The following PIAS1 variants were observed in gnomAD, a reference collection of about 807,000 sequenced individuals.
PIAS1 encodes the protein protein inhibitor of activated STAT 1.
PIAS1 carries 6 observed loss-of-function variants against 71.3 expected under a neutral mutation model. The ratio of observed to expected loss-of-function variants is 0.08; its 90% CI spans 0.05 to 0.17. The LOEUF is 0.17. PIAS1 is among the 10% of genes least tolerant of loss of function. The probability of loss-of-function intolerance (pLI) is 1.00; values close to 1 mark genes in which losing one functional copy is unlikely to be tolerated. For missense variants in PIAS1, 555 were observed against 793.6 expected (o/e 0.70, Z 3.61); for synonymous variants, 303 against 292.9 (o/e 1.03, Z -0.35).
chr15:68,075,260 A>G (rs578235762), intron 1 of PIAS1, among the ~76,000 whole-genome samples: 1 of 151,062 alleles, frequency 6.6e-6, no homozygotes, highest in South Asian at 2.1e-4. Flanking sequence ...TAATTTTTGT[A>G]TTTTTAGTAG....
intron 1 of PIAS1, among the ~76,000 whole-genome samples, chr15:68,078,889 AAC>A (rs1313591566): frequency 2.0e-5 from 3 of 152,316 alleles, no homozygotes; most frequent in African/African-American, 7.2e-5. Context: ...TATGATTGAA[AAC>A]ATTTTTAATA....
At chr15:68,137,025 A>G (rs2092738693) in intron 2 of PIAS1, among the ~76,000 whole-genome samples, 2 of 151,998 alleles carry the variant, frequency 1.3e-5, no homozygotes, top group Non-Finnish European at 2.9e-5. Context: ...ATTAGCAGCA[A>G]CTCCCATGCT....
chr15:68,186,808 G>C lies in PIAS1; in HGVS notation c.1663-734G>C, dbSNP rs774109152. On this transcript the variant is annotated intron_variant, in intron 13 of 13. Coordinates refer to ENST00000249636, the MANE Select transcript of PIAS1 (RefSeq NM_016166.3). This position sits in a 1 kb window ranked among gnomAD's most constrained non-coding sequence, Gnocchi z 4.4. ...ACGGCATTCAGCACAGTAACATGCT[G>C]TACAGGTTTGTAGCCTGGGAGCAGT... Among the ~76,000 whole-genome samples the C allele has an allele frequency of 2.0e-5, 3 of 152,238 alleles. No homozygotes were observed. Among genetic ancestry groups the C allele is most frequent in the Non-Finnish European group, 4.4e-5 (3 of 68,040 alleles).
intron 1 of PIAS1, among the ~76,000 whole-genome samples, chr15:68,055,525 T>C (rs1023822847): frequency 2.0e-5 from 3 of 151,966 alleles, no homozygotes; most frequent in African/African-American, 7.3e-5. Context: ...ATGACTGGAT[T>C]GTGACAAATG....
In PIAS1 at chr15:68,088,202, C is replaced by A. The variant is rs1196876578; in HGVS notation, c.469+1452C>A. ...TATATATATATATATATATATATAT[C>A]CCATTTTAAATTAAAGGCCATATCT... On this transcript the variant is annotated intron_variant, in intron 2 of 13. Transcript: ENST00000249636. Among the ~76,000 whole-genome samples, 17 of 24,434 alleles carry A rather than the reference C, an allele frequency of 7.0e-4. 1 individual carries two copies. The highest frequency in any genetic ancestry group is 3.9e-3 in the Admixed American group (10 of 2,540). The allele number at this position is 24,434 out of a possible 152,430, so 16.0% of individuals were successfully genotyped here.
Position 68,187,956 on chromosome 15 carries a change from CCTTT to C in PIAS1, c.*122_*125del, listed in dbSNP as rs1415139353. Reference sequence around the variant, plus strand: ...AAAAGTATACAAGCGTGTTTTTTTTCCTTTTTTTAGGGAAAAAATTAAAAGAAAT... The same window carrying C: ...AAAAGTATACAAGCGTGTTTTTTTTCTTTTAGGGAAAAAATTAAAAGAAAT... On this transcript the variant is annotated 3_prime_UTR_variant, in exon 14 of 14. Coordinates refer to ENST00000249636, the MANE Select transcript of PIAS1 (RefSeq NM_016166.3). This position sits in a 1 kb window ranked among gnomAD's most constrained non-coding sequence, Gnocchi z 5.3. 1.3e-5 allele frequency: 12 copies of C among 905,666 alleles called. No homozygotes were observed. The highest frequency in any genetic ancestry group is 1.9e-5 in the Non-Finnish European group (12 of 615,588). The allele number at this position is 905,666 out of a possible 1,614,324, so 56.1% of individuals were successfully genotyped here. A position where few individuals can be genotyped will look rare whatever the true frequency, so the allele number is the denominator to read the frequency against.
chr15:68,141,817 T>C, intron 2 of PIAS1, 129 bp from the exon 3 acceptor site: 1 of 593,774 alleles, frequency 1.7e-6, no homozygotes, highest in Non-Finnish European at 3.0e-6. Flanking sequence ...TTCAGTGCTT[T>C]AATTGCCTTG....
chr15:68,157,557 T>A (rs2092899170), intron 7 of PIAS1, among the ~76,000 whole-genome samples: 1 of 152,202 alleles, frequency 6.6e-6, no homozygotes, highest in Non-Finnish European at 1.5e-5. Flanking sequence ...AAGTGTATAT[T>A]TTCAGTTTTC....
chr15:68,181,113 A>T, intron 11 of PIAS1, 99 bp from the exon 12 acceptor site: 4 of 940,946 alleles, frequency 4.3e-6, no homozygotes, highest in Non-Finnish European at 6.6e-6. Flanking sequence ...TATTTCCAGC[A>T]CTAAACCGAG....
intron 2 of PIAS1, among the ~76,000 whole-genome samples, chr15:68,114,863 G>A (rs976534240): frequency 2.0e-5 from 3 of 151,626 alleles, no homozygotes; most frequent in African/African-American, 7.3e-5. Flanking sequence ...TTTTCTTTCT[G>A]CACTTTTTAT....
At chr15:68,117,554 A>C (rs1012817643) in intron 2 of PIAS1, among the ~76,000 whole-genome samples, 2 of 152,132 alleles carry the variant, frequency 1.3e-5, no homozygotes, top group African/African-American at 4.8e-5. Context: ...CCCCTATTCT[A>C]TTCTCTACTT....
Position 68,141,969 on chromosome 15 carries a change from C to G in PIAS1, c.493C>G (p.Arg165Gly). 1 of 1,603,358 alleles carries G rather than the reference C, an allele frequency of 6.2e-7. No homozygotes were observed. Among genetic ancestry groups the G allele is most frequent in the East Asian group, 2.2e-5 (1 of 44,610 alleles). ...AGCATCAGACAACAGTCAGCGCTTTCGAGAAACCTGTTTTGCATTTGCCTT... is the reference window on the plus strand; with the variant it reads ...AGCATCAGACAACAGTCAGCGCTTTGGAGAAACCTGTTTTGCATTTGCCTT... ...SLASDNSQRF[R>G]ETCFAFALTP... Residue 165 changes from arginine (R) to glycine (G), a missense_variant, in exon 3 of 14, where the codon CGA becomes GGA. Coordinates refer to ENST00000249636, the MANE Select transcript of PIAS1 (RefSeq NM_016166.3).
chr15:68,176,183 A>C (rs1248023582), intron 10 of PIAS1, among the ~76,000 whole-genome samples: 2 of 152,196 alleles, frequency 1.3e-5, no homozygotes, highest in Non-Finnish European at 2.9e-5. Flanking sequence ...CAGATACTAT[A>C]CAGACAAAAA....
At chr15:68,103,729 C>G (rs1032740677) in intron 2 of PIAS1, among the ~76,000 whole-genome samples, 3 of 152,244 alleles carry the variant, frequency 2.0e-5, no homozygotes, top group African/African-American at 7.2e-5. Context: ...CCGTGACTGG[C>G]TGTTTTCATT....
intron 8 of PIAS1, among the ~76,000 whole-genome samples, chr15:68,168,099 C>A (rs532806693): frequency 1.3e-5 from 2 of 152,136 alleles, no homozygotes; most frequent in East Asian, 3.9e-4. Context: ...ACCTCCACTT[C>A]CTGGGTTCAA....
chr15:68,137,465 G>C (rs2092741297), intron 2 of PIAS1, among the ~76,000 whole-genome samples: 2 of 152,104 alleles, frequency 1.3e-5, no homozygotes, highest in Non-Finnish European at 2.9e-5. Context: ...GTCATAAGCA[G>C]TTACAATAAG....
chr15:68,172,617 A>G (rs1452070432), intron 8 of PIAS1, among the ~76,000 whole-genome samples: 2 of 152,186 alleles, frequency 1.3e-5, no homozygotes, highest in Non-Finnish European at 2.9e-5. Flanking sequence ...TTTTCCTGGT[A>G]CTTGGCAAAT....
intron 1 of PIAS1, among the ~76,000 whole-genome samples, chr15:68,076,185 G>C (rs1469438644): frequency 2.0e-5 from 3 of 152,074 alleles, no homozygotes; most frequent in African/African-American, 7.2e-5. Context: ...ATTTTCTTGT[G>C]CACTCTGGAA....
chr15:68,121,433 A>G (rs2092612750), intron 2 of PIAS1, among the ~76,000 whole-genome samples: 1 of 151,682 alleles, frequency 6.6e-6, no homozygotes, highest in Non-Finnish European at 1.5e-5. Context: ...CTGGGTCTTA[A>G]GCAATTTGGT....
Sources: gnomAD v4.1 joint callset for allele counts (sites outside exome capture counted in the v4.1 genomes callset) on GRCh38, gnomAD v4.1.1 for gene constraint, Gnocchi (gnomAD v3.1) non-coding constraint, MANE v1.5 for transcripts, NCBI Gene and HGNC (gene_info 2026-07-23, HGNC 2026-07-21) for gene names.